Variants in ATCAY observed in about 807,000 individuals in gnomAD.
The protein encoded by ATCAY is caytaxin.
ATCAY carries 22 observed loss-of-function variants against 47.7 expected under a neutral mutation model. The ratio of observed to expected loss-of-function variants is 0.46; its 90% confidence interval spans 0.33 to 0.66. The LOEUF is 0.66. ATCAY is among the 30% of genes least tolerant of loss of function. ATCAY has a pLI of 0.02. For synonymous variants in ATCAY, 216 were observed against 207.6 expected, an observed-to-expected ratio of 1.04 and a Z score of -0.35; for missense variants, 452 against 515.0, an observed-to-expected ratio of 0.88 and a Z score of 1.18.
At chr19:3,897,648 A>T (rs925929793) in intron 2 of ATCAY, among the ~76,000 whole-genome samples, 2 of 151,522 alleles carry the variant, frequency 1.3e-5, no homozygotes, top group Admixed American at 1.3e-4. Flanking sequence ...TGGCTCACGC[A>T]TGTAATCTCA....
At chr19:3,912,270 C>A (rs1053912641) in intron 8 of ATCAY, among the ~76,000 whole-genome samples, 2 of 151,342 alleles carry the variant, frequency 1.3e-5, no homozygotes, top group Admixed American at 6.6e-5. Context: ...CCCGGGAGTT[C>A]GAGACCAGCC....
intron 6 of ATCAY, among the ~76,000 whole-genome samples, chr19:3,909,117 A>G (rs11671126): frequency 0.024 from 1,470 of 60,706 alleles, 1 homozygote; most frequent in East Asian, 0.18. Context: ...GGCGCCTGTA[A>G]TCCCAGCTAC....
chr19:3,895,534 A>C (rs2038761872), intron 2 of ATCAY, among the ~76,000 whole-genome samples: 1 of 151,264 alleles, frequency 6.6e-6, no homozygotes, highest in Admixed American at 6.6e-5. Context: ...GTCATGAGGA[A>C]AACAGAGGCT....
intron 9 of ATCAY, among the ~76,000 whole-genome samples, chr19:3,915,124 A>G (rs766621009): frequency 6.6e-6 from 1 of 152,164 alleles, no homozygotes; most frequent in Non-Finnish European, 1.5e-5. Context: ...GTGGTAAAAT[A>G]CACGTAACAT....
rs113006554 is a variant in ATCAY at position 3,921,895 on chromosome 19, T to TAAAA, written c.1106+1107_1106+1110dup. On this transcript the variant is annotated intron_variant, in intron 12 of 12. Coordinates refer to ENST00000450849, the MANE Select transcript of ATCAY (RefSeq NM_033064.5). ...CTGGGCAACAGAGCAAGACTCTGTT[T>TAAAA]AAAAAAAAAAAAACAAAAAAACAAA... 3.5e-5 allele frequency among the ~76,000 whole-genome samples: 5 copies of TAAAA among 142,468 alleles called. 1 individual carries two copies. The highest frequency in any genetic ancestry group is 1.3e-4 in the African/African-American group (5 of 38,116). 93.5% of individuals were successfully genotyped at this position (142,468 alleles called of 152,430 possible).
intron 2 of ATCAY, among the ~76,000 whole-genome samples, chr19:3,891,046 C>G (rs1261641493): frequency 6.6e-6 from 1 of 150,968 alleles, no homozygotes; most frequent in Admixed American, 6.6e-5. Context: ...CTCTGCCCTT[C>G]TAGCACTTTT....
chr19:3,885,573 GAGA>G (rs1406379932), intron 1 of ATCAY, among the ~76,000 whole-genome samples, 151 bp from the exon 2 acceptor site: 2 of 137,214 alleles, frequency 1.5e-5, no homozygotes. Flanking sequence ...GAAGAAGAAG[GAGA>G]AGGAGAGAGG....
chr19:3,908,283 G>A lies in ATCAY; in HGVS notation c.560G>A (p.Gly187Asp), dbSNP rs781251468. The A allele has an allele frequency of 6.3e-7, 1 of 1,579,638 alleles. No homozygotes were observed. Among genetic ancestry groups the A allele is most frequent in the Admixed American group, 1.8e-5 (1 of 54,886 alleles). Residue 187 changes from glycine to aspartate, a missense_variant, in exon 6 of 13, where the codon GGC becomes GAC. Physicochemically the swap from Gly to Asp is moderately conservative, Grantham distance 94 (BLOSUM62 -1). Coordinates refer to ENST00000450849, the MANE Select transcript of ATCAY (RefSeq NM_033064.5). The part of the protein sequence containing the change: ...VVTHGGYYGE[G>D]LNAIIVFAAC... ...CTCTCCTCAGGGTACTACGGCGAAGGCCTCAACGCCATCATCGTCTTCGCA... is the reference window on the plus strand; with the variant it reads ...CTCTCCTCAGGGTACTACGGCGAAGACCTCAACGCCATCATCGTCTTCGCA...
chr19:3,899,128 T>C (rs933137192), intron 2 of ATCAY, among the ~76,000 whole-genome samples: 4 of 152,124 alleles, frequency 2.6e-5, no homozygotes, highest in African/African-American at 9.7e-5. Context: ...GGGTGACATC[T>C]GATTCCTCCT....
chr19:3,913,966 G>A lies in ATCAY; in HGVS notation c.965+110G>A, dbSNP rs530522094. On this transcript the variant is annotated intron_variant, in intron 9 of 12. Coordinates refer to ENST00000450849, the MANE Select transcript of ATCAY (RefSeq NM_033064.5). Reference sequence around the variant, plus strand: ...AAAGAGGTTTAAGGGGCCGGGCGCGGTGGCTCCTGCCTGTAATCCCAGCAC... The same window carrying A: ...AAAGAGGTTTAAGGGGCCGGGCGCGATGGCTCCTGCCTGTAATCCCAGCAC... 1.0e-3 allele frequency: 969 copies of A among 927,002 alleles called. 2 individuals are homozygous for A. Among genetic ancestry groups the A allele is most frequent in the Non-Finnish European group, 1.4e-3 (831 of 602,756 alleles). 57.4% of individuals were successfully genotyped at this position (927,002 alleles called of 1,614,324 possible). A position where few individuals can be genotyped will look rare whatever the true frequency, so the allele number is the denominator to read the frequency against.
chr19:3,900,569 C>T (rs188666993), intron 2 of ATCAY, among the ~76,000 whole-genome samples: 1 of 152,252 alleles, frequency 6.6e-6, no homozygotes, highest in Admixed American at 6.6e-5. Context: ...TGGAGTCTCA[C>T]TCTGTCACCC....
In ATCAY at chr19:3,907,676, G is replaced by C. The variant is rs1192468639; in HGVS notation, c.359-58G>C. 5.6e-6 allele frequency: 9 copies of C among 1,594,686 alleles called. No individual in the cohort carries two copies. Among genetic ancestry groups the C allele is most frequent in the Non-Finnish European group, 7.7e-6 (9 of 1,168,060 alleles). On this transcript the variant is annotated intron_variant, in intron 4 of 12. Coordinates refer to ENST00000450849, the MANE Select transcript of ATCAY (RefSeq NM_033064.5). This position sits in a 1 kb window ranked among gnomAD's most constrained non-coding sequence, Gnocchi z 5.1. ...GGAGAGGGGAAGGAAGGCTGAGCAGGAGGGCAGGAGATATCCGGACTCTGG... is the reference window on the plus strand; with the variant it reads ...GGAGAGGGGAAGGAAGGCTGAGCAGCAGGGCAGGAGATATCCGGACTCTGG...
At position 3,923,836 on chromosome 19, in the gene ATCAY, G is replaced by GTGGATGGATGGATGGA. The variant is rs533757647; in HGVS notation, c.1107-737_1107-722dup. ...GATGGATGAATGGATGGGTGGGTGG[G>GTGGATGGATGGATGGA]TGGATGGATGGATGGATGGATGGAT... On this transcript the variant is annotated intron_variant, in intron 12 of 12. Transcript: ENST00000450849. Among the ~76,000 whole-genome samples, 316 of 135,952 alleles carry GTGGATGGATGGATGGA rather than the reference G, an allele frequency of 2.3e-3. 4 individuals carry two copies. The highest frequency in any genetic ancestry group is 8.5e-3 in the African/African-American group (301 of 35,222). 89.2% of individuals were successfully genotyped at this position (135,952 alleles called of 152,430 possible). A position where few individuals can be genotyped will look rare whatever the true frequency, so the allele number is the denominator to read the frequency against.
intron 8 of ATCAY, among the ~76,000 whole-genome samples, chr19:3,913,029 T>G (rs2038936464): frequency 6.6e-6 from 1 of 152,118 alleles, no homozygotes; most frequent in Non-Finnish European, 1.5e-5. Context: ...AGCTCATGAC[T>G]GTAATCCCAG....
At chr19:3,886,016 G>C (rs978840838) in intron 2 of ATCAY, among the ~76,000 whole-genome samples, 172 bp downstream of exon 2, 2 of 152,156 alleles carry the variant, frequency 1.3e-5, no homozygotes, top group Non-Finnish European at 2.9e-5. Context: ...CCCTGTGTGC[G>C]AGTCTTCTCT....
intron 2 of ATCAY, among the ~76,000 whole-genome samples, chr19:3,890,883 T>C (rs1284491746): frequency 6.6e-6 from 1 of 152,160 alleles, no homozygotes; most frequent in Non-Finnish European, 1.5e-5. Context: ...GGCTCCTCGG[T>C]GCAGGTCCAG....
chr19:3,908,257 C>T lies in ATCAY; in HGVS notation c.545-11C>T. The T allele has an allele frequency of 6.4e-7, 1 of 1,565,610 alleles. No homozygotes were observed. The highest frequency in any genetic ancestry group is 8.7e-7 in the Non-Finnish European group (1 of 1,154,718). On this transcript the variant is annotated splice_polypyrimidine_tract_variant and intron_variant, in intron 5 of 12. Transcript: ENST00000450849. Reference sequence around the variant, plus strand: ...GGACTCTGACGTTGCCGATCGGCTGCCTCTCCTCAGGGTACTACGGCGAAG... The same window carrying T: ...GGACTCTGACGTTGCCGATCGGCTGTCTCTCCTCAGGGTACTACGGCGAAG...
At chr19:3,914,524 A>G (rs778533993) in intron 9 of ATCAY, among the ~76,000 whole-genome samples, 1 of 152,046 alleles carries the variant, frequency 6.6e-6, no homozygotes, top group Non-Finnish European at 1.5e-5. Context: ...TTGGGTGAAG[A>G]GACCAGGCAA....
intron 2 of ATCAY, among the ~76,000 whole-genome samples, chr19:3,892,777 G>C (rs569306426): frequency 1.3e-4 from 20 of 151,818 alleles, no homozygotes; most frequent in Non-Finnish European, 2.6e-4. Context: ...GTGTGGTGGC[G>C]GGCACCTGTA....
Sources: gnomAD v4.1 joint callset for allele counts (sites outside exome capture counted in the v4.1 genomes callset) on GRCh38, gnomAD v4.1.1 for gene constraint, Gnocchi (gnomAD v3.1) non-coding constraint, MANE v1.5 for transcripts, NCBI Gene and HGNC (gene_info 2026-07-23, HGNC 2026-07-21) for gene names.